Variants in RAB37 observed in about 807,000 individuals in gnomAD.
The protein encoded by RAB37 is RAB37, member RAS oncogene family, also known as ras-related protein Rab-37.
In RAB37, 29 loss-of-function variants were observed where a neutral mutation model predicts 33.1. That is an observed-to-expected ratio of 0.88 (90% CI 0.65 to 1.20). RAB37 has a LOEUF of 1.20. Among genes scored for constraint, RAB37 ranks in the 50% most tolerant of loss-of-function variants. The probability of loss-of-function intolerance (pLI) is 0.00; values close to 1 mark genes in which losing one functional copy is unlikely to be tolerated. For synonymous variants in RAB37, 128 were observed against 119.5 expected (o/e 1.07, Z -0.47); for missense variants, 299 against 301.1 (o/e 0.99, Z 0.05).
At chr17:74,696,728 G>C (rs2032516680) in intron 1 of RAB37, among the ~76,000 whole-genome samples, 1 of 152,182 alleles carries the variant, frequency 6.6e-6, no homozygotes, top group African/African-American at 2.4e-5. Context: ...CCTCAGGTGG[G>C]CTGTAAGCTG....
intron 1 of RAB37, among the ~76,000 whole-genome samples, chr17:74,686,080 C>G (rs992305898): frequency 1.3e-5 from 2 of 152,016 alleles, no homozygotes; most frequent in East Asian, 3.9e-4. Context: ...CTCCCATTTG[C>G]CCTCATATCT....
rs1212435184 is a variant in RAB37, at chr17:74,729,145, A to ATGTTGTGCACATGCGTGCT, written c.73-109_73-91dup. The ATGTTGTGCACATGCGTGCT allele has an allele frequency of 1.4e-6, 1 of 740,710 alleles. No individual in the cohort carries two copies. The highest frequency in any genetic ancestry group is 1.7e-5 in the African/African-American group (1 of 58,362). 45.9% of individuals were successfully genotyped at this position (740,710 alleles called of 1,614,324 possible). On this transcript the variant is annotated intron_variant, in intron 1 of 7. Coordinates refer to the RAB37 transcript ENST00000340415. The surrounding 1 kb of genome is among the most constrained non-coding windows in gnomAD (Gnocchi z 4.2). The stretch of plus-strand genomic sequence containing the variant: ...TGTGTGTTTCTGTGTGTGTGTGTGC[A>ATGTTGTGCACATGCGTGCT]TGTTGTGCACATGCGTGCTTAGAAA...
chr17:74,721,547 C>T (rs549617410), intron 1 of RAB37, among the ~76,000 whole-genome samples: 2 of 152,082 alleles, frequency 1.3e-5, no homozygotes, highest in East Asian at 3.9e-4. Flanking sequence ...ATTCTCCTGC[C>T]TCAGCTTCCC....
intron 1 of RAB37, among the ~76,000 whole-genome samples, chr17:74,675,492 A>G (rs1360375674): frequency 6.6e-6 from 1 of 152,124 alleles, no homozygotes; most frequent in Non-Finnish European, 1.5e-5. Flanking sequence ...AGCAGCTTCA[A>G]TGGGTGTCAC....
chr17:74,730,268 G>C lies in RAB37; in HGVS notation c.183+902G>C, dbSNP rs1182353245. Among the ~76,000 whole-genome samples the C allele has an allele frequency of 6.6e-6, 1 of 152,174 alleles. No individual in the cohort carries two copies. The highest frequency in any genetic ancestry group is 2.4e-5 in the African/African-American group (1 of 41,434). On this transcript the variant is annotated intron_variant, in intron 2 of 7. Transcript: ENST00000340415. This position sits in a 1 kb window ranked among gnomAD's most constrained non-coding sequence, Gnocchi z 4.4. ...CTCTTCTTGGACAACGCGGATGTTT[G>C]GGAACCTCTGAGACCAGAGCACAGG... is the stretch of plus-strand genomic sequence containing the variant.
upstream of RAB37, chr17:74,737,079 C>A: frequency 6.2e-7 from 1 of 1,607,474 alleles, no homozygotes; most frequent in Non-Finnish European, 8.5e-7. Context: ...CCCCTTCACG[C>A]AGACCCTGCG....
At chr17:74,735,018 G>GAAGAAAGAAAGAAAGAAAGAAAGA (rs562187740), upstream of RAB37, among the ~76,000 whole-genome samples, 242 of 82,298 alleles carry the variant, frequency 2.9e-3, no homozygotes, top group South Asian at 5.5e-3. Flanking sequence ...AGGAAGGAAG[G>GAAGAAAGAAAGAAAGAAAGAAAGA]AAGAAAGAAA....
upstream of RAB37, among the ~76,000 whole-genome samples, chr17:74,732,778 GGT>G (rs2034408312): frequency 4.0e-5 from 1 of 24,924 alleles, no homozygotes; most frequent in African/African-American, 1.3e-4. Context: ...TGAGGGGTGA[GGT>G]GTGTGTGGTG....
chr17:74,692,285 C>T (rs192062348), intron 1 of RAB37, among the ~76,000 whole-genome samples: 1 of 152,244 alleles, frequency 6.6e-6, no homozygotes, highest in East Asian at 1.9e-4. Context: ...CAGTCTGTGT[C>T]AAAAACAGTC....
Position 74,745,187 on chromosome 17 carries a change from C to A in RAB37, c.566+103C>A. ...CCCAGCCCCTGGACACACCTGCATTCTGCAGGCTGAGGTCCATTTGCTCTG... is the reference window on the plus strand; with the variant it reads ...CCCAGCCCCTGGACACACCTGCATTATGCAGGCTGAGGTCCATTTGCTCTG... On this transcript the variant is annotated intron_variant, in intron 8 of 8. Transcript: ENST00000392613. The surrounding 1 kb of genome is among the most constrained non-coding windows in gnomAD (Gnocchi z 4.5). 1 of 1,533,392 alleles carries A rather than the reference C, an allele frequency of 6.5e-7. No individual in the cohort carries two copies. The highest frequency in any genetic ancestry group is 9.0e-7 in the Non-Finnish European group (1 of 1,109,012). The allele number at this position is 1,533,392 out of a possible 1,614,324, so 95.0% of individuals were successfully genotyped here.
chr17:74,682,326 G>C (rs2891603), intron 1 of RAB37, among the ~76,000 whole-genome samples: 18,754 of 151,134 alleles, frequency 0.12, 2,629 homozygotes, highest in African/African-American at 0.34. Context: ...CTCACTCTCT[G>C]TCTCTCTCTC....
rs2144094235 is a variant in RAB37 at position 74,745,231 on chromosome 17, G to C, written c.567-75G>C. Reference sequence around the variant, plus strand: ...TGCTCTGGGAGCACTGGGCCACTGGGAGAGGGGAGGGGGCGGCTCAGCTCC... The same window carrying C: ...TGCTCTGGGAGCACTGGGCCACTGGCAGAGGGGAGGGGGCGGCTCAGCTCC... On this transcript the variant is annotated intron_variant, in intron 8 of 8. Transcript: ENST00000392613. This position sits in a 1 kb window ranked among gnomAD's most constrained non-coding sequence, Gnocchi z 4.5. 3.9e-6 allele frequency: 6 copies of C among 1,546,622 alleles called. No homozygotes were observed. In the South Asian group the frequency reaches 6.7e-5, roughly 17 times the overall value.
chr17:74,684,116 GTCTC>G (rs142430757), intron 1 of RAB37, among the ~76,000 whole-genome samples: 2 of 152,018 alleles, frequency 1.3e-5, no homozygotes, highest in African/African-American at 4.8e-5. Flanking sequence ...ATTGAGACGA[GTCTC>G]TCTCTGTCAC....
chr17:74,728,795 C>A (rs563981168), intron 1 of RAB37, among the ~76,000 whole-genome samples: 1 of 151,802 alleles, frequency 6.6e-6, no homozygotes, highest in East Asian at 1.9e-4. Context: ...CATGTGTGTT[C>A]TGTGCATACA....
chr17:74,718,416 A>G (rs2144003370), intron 1 of RAB37, among the ~76,000 whole-genome samples: 1 of 152,232 alleles, frequency 6.6e-6, no homozygotes, highest in East Asian at 1.9e-4. Context: ...ATAGTGGGTT[A>G]GAGAAAAAAA....
chr17:74,705,177 AG>A (rs2033405844), intron 1 of RAB37: 1 of 695,542 alleles, frequency 1.4e-6, no homozygotes, highest in African/African-American at 1.7e-5. Flanking sequence ...AGGAAATACC[AG>A]GAGACCCCTT....
chr17:74,698,829 T>C (rs2032768799), intron 1 of RAB37, among the ~76,000 whole-genome samples: 1 of 152,182 alleles, frequency 6.6e-6, no homozygotes, highest in South Asian at 2.1e-4. Context: ...AATTTACCGA[T>C]ATAACAAATC....
At position 74,671,456 on chromosome 17, in the gene RAB37, T is replaced by G; in HGVS notation, c.-131T>G. The G allele has an allele frequency of 1.2e-6, 1 of 818,562 alleles. No individual in the cohort carries two copies. Among genetic ancestry groups the G allele is most frequent in the South Asian group, 1.5e-5 (1 of 64,634 alleles). The allele number at this position is 818,562 out of a possible 1,614,324, so 50.7% of individuals were successfully genotyped here. A position where few individuals can be genotyped will look rare whatever the true frequency, so the allele number is the denominator to read the frequency against. On this transcript the variant is annotated 5_prime_UTR_variant, in exon 1 of 8. Coordinates refer to the RAB37 transcript ENST00000340415. This position sits in a 1 kb window ranked among gnomAD's most constrained non-coding sequence, Gnocchi z 5.0. ...GCCGCTGCGGGGAACTGTCCAGTGC[T>G]GAAAACGGATGCGGCCCGGCCCGCA...
intron 1 of RAB37, among the ~76,000 whole-genome samples, chr17:74,688,193 A>G (rs1055449048): frequency 2.6e-5 from 4 of 152,172 alleles, no homozygotes; most frequent in Non-Finnish European, 4.4e-5. Flanking sequence ...ATTTGGGCCC[A>G]TACTTGCTTA....
Sources: allele counts gnomAD v4.1 joint callset (sites outside exome capture counted in the v4.1 genomes callset), GRCh38; gene constraint gnomAD v4.1.1; non-coding constraint Gnocchi (gnomAD v3.1); transcripts MANE v1.5; gene names NCBI Gene and HGNC (gene_info 2026-07-23, HGNC 2026-07-21).